MYO18B: variants seen among roughly 807,000 people sequenced by gnomAD.
MYO18B encodes the protein myosin XVIIIB.
In MYO18B, 204 loss-of-function variants were observed where a neutral mutation model predicts 273.0. The ratio of observed to expected loss-of-function variants is 0.75; its 90% CI spans 0.67 to 0.84. MYO18B has a LOEUF of 0.84. Ranked by LOEUF, MYO18B falls within the 40% of genes least tolerant of loss-of-function variation. The probability of loss-of-function intolerance (pLI) is 0.00; values close to 1 mark genes in which losing one functional copy is unlikely to be tolerated. For synonymous variants in MYO18B, 1,330 were observed against 1,305.7 expected (o/e 1.02, Z -0.40); for missense variants, 3,212 against 3,287.6 (o/e 0.98, Z 0.56).
intron 34 of MYO18B, among the ~76,000 whole-genome samples, chr22:25,929,517 G>A (rs1263778585): frequency 6.6e-6 from 1 of 152,224 alleles, no homozygotes; most frequent in East Asian, 1.9e-4. Flanking sequence ...AGTCGGAGAT[G>A]ATGTCTGCTC....
At chr22:25,921,824 G>A (rs2092350681) in intron 34 of MYO18B, among the ~76,000 whole-genome samples, 1 of 75,888 alleles carries the variant, frequency 1.3e-5, no homozygotes, top group Admixed American at 1.2e-4. Flanking sequence ...TAGTGTGTGT[G>A]TGTGTGTGTG....
chr22:25,798,950 T>C (rs2088054025), intron 12 of MYO18B, among the ~76,000 whole-genome samples: 1 of 152,028 alleles, frequency 6.6e-6, no homozygotes. Flanking sequence ...TCCCCATCCT[T>C]AAGTGTCTGC....
chr22:25,981,671 G>A lies in MYO18B; in HGVS notation c.6157-10692G>A, dbSNP rs144657165. On this transcript the variant is annotated intron_variant, in intron 39 of 43. Transcript: ENST00000335473. ...GAGGCAGGAGGATCACGTGGGATCA[G>A]GAGTTTGTGGCTGCAGTGAGCCATC... Among the ~76,000 whole-genome samples, 289 of 152,346 alleles carry A rather than the reference G, an allele frequency of 1.9e-3. 2 individuals carry two copies. Among genetic ancestry groups the A allele is most frequent in the African/African-American group, 5.6e-3 (233 of 41,582 alleles).
intron 39 of MYO18B, among the ~76,000 whole-genome samples, chr22:25,971,076 T>G (rs571172760): frequency 6.6e-6 from 1 of 152,236 alleles, no homozygotes; most frequent in East Asian, 1.9e-4. Flanking sequence ...GACTTTGTAG[T>G]CCATACTGTC....
At chr22:25,775,991 C>A (rs1236110000) in intron 7 of MYO18B, among the ~76,000 whole-genome samples, 1 of 152,180 alleles carries the variant, frequency 6.6e-6, no homozygotes, top group Non-Finnish European at 1.5e-5. Context: ...CTTTGACAAT[C>A]AATTACATGA....
At chr22:25,903,503 G>A in intron 30 of MYO18B, 128 bp from the exon 31 acceptor site, 2 of 938,684 alleles carry the variant, frequency 2.1e-6, no homozygotes, top group South Asian at 3.4e-5. Flanking sequence ...GTGGGGTCCA[G>A]GTGGAAATGG....
At chr22:25,758,154 C>T (rs2086185114) in intron 1 of MYO18B, among the ~76,000 whole-genome samples, 1 of 152,096 alleles carries the variant, frequency 6.6e-6, no homozygotes, top group Non-Finnish European at 1.5e-5. Flanking sequence ...GCTGGGATTA[C>T]AGGTGCCTGC....
the MYO18B span, among the ~76,000 whole-genome samples, chr22:26,051,711 T>C: frequency 2.1e-3 from 322 of 152,324 alleles, no homozygotes; most frequent in Middle Eastern, 6.8e-3. Flanking sequence ...TTCCCAGTGA[T>C]TTCTTGTTAT....
At chr22:25,826,274 T>G (rs2145906106) in intron 13 of MYO18B, 135 bp from the exon 14 acceptor site, 2 of 610,710 alleles carry the variant, frequency 3.3e-6, no homozygotes, top group South Asian at 2.4e-5. Context: ...CCTGGGGAAA[T>G]AATTTTAGCA....
At chr22:25,830,020 G>A (rs73879557) in intron 15 of MYO18B, among the ~76,000 whole-genome samples, 12 of 152,204 alleles carry the variant, frequency 7.9e-5, no homozygotes, top group African/African-American at 2.9e-4. Flanking sequence ...TTCCCTGAAG[G>A]TGTGACCACT....
At chr22:25,973,361 T>C (rs1022228983) in intron 39 of MYO18B, among the ~76,000 whole-genome samples, 1 of 152,242 alleles carries the variant, frequency 6.6e-6, no homozygotes, top group Non-Finnish European at 1.5e-5. Context: ...TAGCACCTCT[T>C]AGAACCTTCA....
rs182558765 is a variant in MYO18B at position 25,914,559 on chromosome 22, A to G, written c.5364+3509A>G. ...GTGGCATATGGGAATACCATTGATT[A>G]TCATGCATTAATCTTGTATCTAGCA... On this transcript the variant is annotated intron_variant, in intron 33 of 43. Coordinates refer to ENST00000335473, the MANE Select transcript of MYO18B (RefSeq NM_032608.7). Among the ~76,000 whole-genome samples, 439 of 151,940 alleles carry G rather than the reference A, an allele frequency of 2.9e-3. 3 individuals carry two copies. Among genetic ancestry groups the G allele is most frequent in the Middle Eastern group, 6.8e-3 (2 of 294 alleles).
intron 33 of MYO18B, among the ~76,000 whole-genome samples, chr22:25,912,378 G>A (rs552706777): frequency 2.0e-5 from 3 of 152,300 alleles, no homozygotes; most frequent in Admixed American, 6.5e-5. Context: ...GAATCACTGC[G>A]AGAAGGTTGC....
chr22:25,996,626 C>T (rs1340768565), intron 40 of MYO18B, among the ~76,000 whole-genome samples: 1 of 151,840 alleles, frequency 6.6e-6, no homozygotes, highest in Non-Finnish European at 1.5e-5. Context: ...AAATAAAACA[C>T]GAGAATACAA....
chr22:25,746,744 T>G (rs1381177858), intron 1 of MYO18B, among the ~76,000 whole-genome samples: 3 of 152,202 alleles, frequency 2.0e-5, no homozygotes, highest in Non-Finnish European at 4.4e-5. Flanking sequence ...TAGTTAGAAT[T>G]CATCTAAATT....
intron 39 of MYO18B, among the ~76,000 whole-genome samples, chr22:25,976,897 A>G (rs1436322296): frequency 6.6e-6 from 1 of 152,192 alleles, no homozygotes; most frequent in Non-Finnish European, 1.5e-5. Context: ...TTACGAGGTG[A>G]CGGGATATGC....
chr22:25,848,263 A>G (rs1318444597), intron 20 of MYO18B, among the ~76,000 whole-genome samples: 2 of 152,178 alleles, frequency 1.3e-5, no homozygotes, highest in African/African-American at 2.4e-5. Context: ...ATGAGGGCTC[A>G]TAGCACCCAG....
chr22:25,944,826 G>C (rs982382675), intron 34 of MYO18B, among the ~76,000 whole-genome samples: 3 of 139,744 alleles, frequency 2.1e-5, no homozygotes, highest in Non-Finnish European at 4.5e-5. Context: ...CATCGTGGGC[G>C]ACAGAGCAAG....
chr22:26,005,846 A>C (rs1171326929), intron 42 of MYO18B, among the ~76,000 whole-genome samples: 1 of 152,212 alleles, frequency 6.6e-6, no homozygotes, highest in Non-Finnish European at 1.5e-5. Context: ...TATTTGGCAA[A>C]TGGCAAATGT....
Sources: allele counts gnomAD v4.1 joint callset (sites outside exome capture counted in the v4.1 genomes callset), GRCh38; gene constraint gnomAD v4.1.1; transcripts MANE v1.5; gene names NCBI Gene and HGNC (gene_info 2026-07-23, HGNC 2026-07-21).